LBHD1: variants seen among roughly 807,000 people sequenced by gnomAD.
The protein encoded by LBHD1 is LBH domain-containing protein 1.
LBHD1 carries 28 observed loss-of-function variants against 31.1 expected under a neutral mutation model. The observed-to-expected ratio is 0.90, with a 90% confidence interval of 0.67 to 1.24. LBHD1 has a LOEUF of 1.24. Among genes scored for constraint, LBHD1 ranks in the 50% most tolerant of loss-of-function variants. The pLI, the probability that LBHD1 is intolerant of heterozygous loss-of-function variation, is 0.00. For synonymous variants in LBHD1, 105 were observed against 116.5 expected (o/e 0.90, Z 0.63); for missense variants, 350 against 323.0 (o/e 1.08, Z -0.64).
At position 62,672,019 on chromosome 11, in the gene LBHD1, A is replaced by G; in HGVS notation, c.-466T>C. ...CAGGACCCAGCAGCTATTGCTGGCC[A>G]CTCTGCAGGAGGCAGCGACCACGCA... On this transcript the variant is annotated 5_prime_UTR_variant, in exon 1 of 7. Coordinates refer to ENST00000354588, the MANE Select transcript of LBHD1 (RefSeq NM_024099.5). 1.2e-6 allele frequency: 2 copies of G among 1,613,534 alleles called. No homozygotes were observed. The highest frequency in any genetic ancestry group is 1.7e-5 in the Admixed American group (1 of 59,924).
At position 62,672,073 on chromosome 11, in the gene LBHD1, AT is replaced by A. The variant is rs1565131643; in HGVS notation, c.-521del. The A allele has an allele frequency of 6.2e-7, 1 of 1,605,760 alleles. No individual in the cohort carries two copies. The highest frequency in any genetic ancestry group is 1.3e-5 in the African/African-American group (1 of 74,922). On this transcript the variant is annotated 5_prime_UTR_variant, in exon 1 of 7. Coordinates refer to ENST00000354588, the MANE Select transcript of LBHD1 (RefSeq NM_024099.5). ...GAACGTGGCCTGGAGGAAGAACTGGATGGTTGGCGGCGAAGGCGGCGCCGGC... is the reference window on the plus strand; with the variant it reads ...GAACGTGGCCTGGAGGAAGAACTGGAGGTTGGCGGCGAAGGCGGCGCCGGC...
chr11:62,671,919 T>A lies in LBHD1; in HGVS notation c.-366A>T. 6.2e-7 allele frequency: 1 copy of A among 1,613,162 alleles called. No homozygotes were observed. Among genetic ancestry groups the A allele is most frequent in the South Asian group, 1.1e-5 (1 of 91,074 alleles). On this transcript the variant is annotated 5_prime_UTR_variant, in exon 1 of 7. Transcript: ENST00000354588. The stretch of plus-strand genomic sequence containing the variant: ...GGTGGGCGGGTGGAGAGCCCCGGAC[T>A]GGAGCTCCTGCGAACTCCCCTTCCT...
At chr11:62,664,775 G>C (rs1299069509) in intron 5 of LBHD1, 74 bp downstream of exon 5, 1 of 1,523,294 alleles carries the variant, frequency 6.6e-7, no homozygotes, top group African/African-American at 1.4e-5. Context: ...GAGAGGTGAA[G>C]CTGCTCCGGA....
In LBHD1 at chr11:62,665,194, G is replaced by T. The variant is rs1252790417; in HGVS notation, c.539-221C>A. ...TAGTCGCGATTCCACTCCAGTTCAC[G>T]GTCCGTACTTCCGCTCAGCGCCGGA... On this transcript the variant is annotated intron_variant, in intron 4 of 6. Transcript: ENST00000354588. 1.5e-5 allele frequency: 12 copies of T among 807,948 alleles called. No homozygotes were observed. In the Admixed American group the frequency reaches 1.6e-4, roughly 11 times the overall value. 50.0% of individuals were successfully genotyped at this position (807,948 alleles called of 1,614,324 possible). A position where few individuals can be genotyped will look rare whatever the true frequency, so the allele number is the denominator to read the frequency against.
intron 1 of LBHD1, chr11:62,670,370 T>C (rs1944917143): frequency 7.0e-6 from 2 of 287,296 alleles, no homozygotes; most frequent in African/African-American, 4.4e-5. Context: ...TTGTATGTTA[T>C]TTAATGAATA....
chr11:62,665,989 G>C, intron 4 of LBHD1: 1 of 1,579,644 alleles, frequency 6.3e-7, no homozygotes, highest in Non-Finnish European at 8.6e-7. Context: ...GGTGGGGGCA[G>C]AGTGGGGAGG....
At chr11:62,666,960 A>T in intron 4 of LBHD1, 1 of 1,614,160 alleles carries the variant, frequency 6.2e-7, no homozygotes, top group Non-Finnish European at 8.5e-7. Flanking sequence ...TGCCTGGAAC[A>T]AGGGTCCTAT....
Position 62,667,407 on chromosome 11 carries a change from T to C in LBHD1, c.538+116A>G, listed in dbSNP as rs1220948217. Reference sequence around the variant, plus strand: ...GCGCTGACTGACTTGTATAATCTAGTGGCCTAACCTGTAAGCCTCATTTTT... The same window carrying C: ...GCGCTGACTGACTTGTATAATCTAGCGGCCTAACCTGTAAGCCTCATTTTT... On this transcript the variant is annotated intron_variant, in intron 4 of 6. Coordinates refer to ENST00000354588, the MANE Select transcript of LBHD1 (RefSeq NM_024099.5). The C allele has an allele frequency of 2.9e-6, 3 of 1,031,324 alleles. No homozygotes were observed. The South Asian group carries it at 4.1e-5, about 14-fold the overall frequency. The allele number at this position is 1,031,324 out of a possible 1,614,324, so 63.9% of individuals were successfully genotyped here. A position where few individuals can be genotyped will look rare whatever the true frequency, so the allele number is the denominator to read the frequency against.
intron 3 of LBHD1, 61 bp from the exon 4 acceptor site, chr11:62,667,808 AG>A: frequency 8.1e-7 from 1 of 1,229,538 alleles, no homozygotes; most frequent in Middle Eastern, 2.5e-4. Flanking sequence ...TTACAAAACT[AG>A]GCCAGGCATG....
rs765604886 is a variant in LBHD1, at chr11:62,666,613, CA to C, written c.538+909del. 1.4e-4 allele frequency: 219 copies of C among 1,614,176 alleles called. 3 individuals carry two copies. The highest frequency in any genetic ancestry group is 6.8e-6 in the Non-Finnish European group (8 of 1,180,034). On this transcript the variant is annotated intron_variant, in intron 4 of 6. Transcript: ENST00000354588. ...CCAGCCTATGTACAGGCCTCTACAC[CA>C]AATCTCCACACCCAGTGGATGTGCT...
chr11:62,663,502 C>T (rs1463963380), intron 5 of LBHD1, among the ~76,000 whole-genome samples, 169 bp from the exon 6 acceptor site: 1 of 151,820 alleles, frequency 6.6e-6, no homozygotes, highest in Non-Finnish European at 1.5e-5. Flanking sequence ...GTCAGGAGAT[C>T]GAGACCACGG....
intron 3 of LBHD1, chr11:62,669,370 C>G (rs1944897907): frequency 1.0e-6 from 1 of 981,070 alleles, no homozygotes; most frequent in Admixed American, 6.3e-5. Context: ...GCACTCCAGT[C>G]TGGGTGACAG....
At chr11:62,667,255 T>C (rs1465656778) in intron 4 of LBHD1, 2 of 641,172 alleles carry the variant, frequency 3.1e-6, no homozygotes, top group East Asian at 2.7e-5. Context: ...GGAGATTACA[T>C]ACAATGATGT....
chr11:62,666,272 T>C (rs1565127108), intron 4 of LBHD1: 2 of 984,750 alleles, frequency 2.0e-6, no homozygotes, highest in Non-Finnish European at 1.6e-6. Context: ...ATTGTGCTAC[T>C]GTACTCAACC....
chr11:62,664,606 C>G (rs1448683469), intron 5 of LBHD1, among the ~76,000 whole-genome samples: 1 of 152,144 alleles, frequency 6.6e-6, no homozygotes, highest in Non-Finnish European at 1.5e-5. Flanking sequence ...GCTGGGATTA[C>G]AGGTATGAGC....
At chr11:62,664,813 TG>T in intron 5 of LBHD1, 35 bp downstream of exon 5, 1 of 1,551,646 alleles carries the variant, frequency 6.4e-7, no homozygotes, top group Non-Finnish European at 8.7e-7. Flanking sequence ...GAAGACTCGG[TG>T]GGGACGACCA....
intron 4 of LBHD1, chr11:62,665,828 A>C: frequency 6.3e-7 from 1 of 1,599,772 alleles, no homozygotes; most frequent in South Asian, 1.1e-5. Flanking sequence ...CGGCTGGAGT[A>C]GGGTGGACGC....
intron 4 of LBHD1, chr11:62,666,721 TG>T: frequency 6.2e-7 from 1 of 1,614,068 alleles, no homozygotes; most frequent in South Asian, 1.1e-5. Flanking sequence ...CTCTATGCCC[TG>T]GACACCCTGC....
At position 62,665,705 on chromosome 11, in the gene LBHD1, T is replaced by C. The variant is rs1944788423; in HGVS notation, c.539-732A>G. On this transcript the variant is annotated intron_variant, in intron 4 of 6. Coordinates refer to ENST00000354588, the MANE Select transcript of LBHD1 (RefSeq NM_024099.5). ...CGCTGCAGCCAATAAAGGCCGTTCC[T>C]ACCATAGTCTGTGTCCGCGTTCTTT... 3 of 1,458,940 alleles carry C rather than the reference T, an allele frequency of 2.1e-6. No individual in the cohort carries two copies. In the South Asian group the frequency reaches 4.1e-5, roughly 20 times the overall value. 90.4% of individuals were successfully genotyped at this position (1,458,940 alleles called of 1,614,324 possible).
Sources: allele counts gnomAD v4.1 joint callset (sites outside exome capture counted in the v4.1 genomes callset), GRCh38; gene constraint gnomAD v4.1.1; transcripts MANE v1.5; gene names NCBI Gene and HGNC (gene_info 2026-07-23, HGNC 2026-07-21).